RASSF3: variants seen among roughly 807,000 people sequenced by gnomAD.
RASSF3 encodes the protein ras association domain-containing protein 3.
RASSF3 carries 19 observed loss-of-function variants against 19.9 expected under a neutral mutation model. The observed-to-expected ratio is 0.96, with a 90% CI of 0.67 to 1.40. The LOEUF is 1.40. Among genes scored for constraint, RASSF3 ranks in the 40% most tolerant of loss-of-function variants. The probability of loss-of-function intolerance (pLI) is 0.00; values close to 1 mark genes in which losing one functional copy is unlikely to be tolerated. For missense variants in RASSF3, 306 were observed against 289.8 expected (o/e 1.06, Z -0.41); for synonymous variants, 110 against 104.2 (o/e 1.06, Z -0.34).
intron 1 of RASSF3, among the ~76,000 whole-genome samples, chr12:64,674,623 C>T (rs1311661494): frequency 2.0e-5 from 3 of 152,096 alleles, no homozygotes; most frequent in Non-Finnish European, 4.4e-5. Flanking sequence ...ATTTGGGAAG[C>T]AAAAGTATGC....
chr12:64,521,748 T>A (rs1375511477), intron 1 of RASSF3, among the ~76,000 whole-genome samples: 1 of 152,224 alleles, frequency 6.6e-6, no homozygotes, highest in Non-Finnish European at 1.5e-5. Flanking sequence ...CATTGTATTA[T>A]TACTCCCCAC....
intron 2 of RASSF3, among the ~76,000 whole-genome samples, chr12:64,567,702 C>T (rs1298715260): frequency 6.6e-6 from 1 of 152,258 alleles, no homozygotes; most frequent in Admixed American, 6.5e-5. Context: ...GGAACTGCAA[C>T]TGCTAACGTC....
intron 1 of RASSF3, among the ~76,000 whole-genome samples, chr12:64,680,842 T>C (rs1244870): frequency 0.79 from 120,094 of 151,980 alleles, 47,645 homozygotes; most frequent in South Asian, 0.84. Context: ...AAACTCCTGA[T>C]CTCAGGTGAT....
chr12:64,664,205 T>G (rs1872471825), intron 1 of RASSF3, among the ~76,000 whole-genome samples: 1 of 152,174 alleles, frequency 6.6e-6, no homozygotes, highest in South Asian at 2.1e-4. Context: ...TCTTTGCCTT[T>G]GGAGTGGTAC....
chr12:64,514,187 TC>T (rs1565829489), intron 1 of RASSF3, among the ~76,000 whole-genome samples: 20 of 126,442 alleles, frequency 1.6e-4, no homozygotes, highest in Non-Finnish European at 2.2e-4. Flanking sequence ...GCGCTCAGCC[TC>T]TTTTTTTTTT....
intron 1 of RASSF3, among the ~76,000 whole-genome samples, chr12:64,537,116 G>C (rs1868844276): frequency 1.3e-5 from 2 of 152,008 alleles, no homozygotes; most frequent in African/African-American, 2.4e-5. Flanking sequence ...CCACACTCTT[G>C]CCTATTTCTC....
At chr12:64,662,126 A>C (rs1872389129) in intron 1 of RASSF3, among the ~76,000 whole-genome samples, 1 of 151,978 alleles carries the variant, frequency 6.6e-6, no homozygotes, top group African/African-American at 2.4e-5. Flanking sequence ...GGAAGTAGGT[A>C]ATAAGATAAA....
At chr12:64,652,419 C>T (rs1429502599) in intron 1 of RASSF3, among the ~76,000 whole-genome samples, 1 of 151,068 alleles carries the variant, frequency 6.6e-6, no homozygotes, top group African/African-American at 2.4e-5. Flanking sequence ...TCCCCCTCCC[C>T]CCCTCCTCTT....
At chr12:64,537,291 G>C (rs572324913) in intron 1 of RASSF3, among the ~76,000 whole-genome samples, 25 of 152,256 alleles carry the variant, frequency 1.6e-4, no homozygotes, top group Middle Eastern at 3.4e-3. Context: ...ACTTAACGTG[G>C]TACATCATTT....
intron 1 of RASSF3, among the ~76,000 whole-genome samples, chr12:64,654,585 G>A (rs1440193482): frequency 1.4e-5 from 2 of 142,346 alleles, no homozygotes; most frequent in Admixed American, 7.6e-5. Flanking sequence ...TGGGTGGATC[G>A]CTTGAACCCA....
intron 2 of RASSF3, among the ~76,000 whole-genome samples, chr12:64,567,005 G>T (rs151286803): frequency 6.6e-6 from 1 of 152,226 alleles, no homozygotes; most frequent in Non-Finnish European, 1.5e-5. Flanking sequence ...AAACGCGGTG[G>T]TTCACTGAGG....
upstream of RASSF3, among the ~76,000 whole-genome samples, chr12:64,606,720 C>T (rs376745932): frequency 4.6e-5 from 7 of 151,774 alleles, no homozygotes; most frequent in South Asian, 2.1e-4. Context: ...GAGGCTGAGG[C>T]GGGAGGATCG....
At position 64,610,607 on chromosome 12, in the gene RASSF3, C is replaced by G. The variant is rs3741748; in HGVS notation, c.-26C>G. 3.4e-6 allele frequency: 5 copies of G among 1,449,692 alleles called. No homozygotes were observed. The highest frequency in any genetic ancestry group is 1.4e-5 in the South Asian group (1 of 73,252). The allele number at this position is 1,449,692 out of a possible 1,614,324, so 89.8% of individuals were successfully genotyped here. Reference sequence around the variant, plus strand: ...CTGGCCGCCTGCGCCCCGGGGAGGCCGCCCGCGCGCGACGGGACCGGCAGC... The same window carrying G: ...CTGGCCGCCTGCGCCCCGGGGAGGCGGCCCGCGCGCGACGGGACCGGCAGC... On this transcript the variant is annotated 5_prime_UTR_variant, in exon 1 of 5. Coordinates refer to ENST00000542104, the MANE Select transcript of RASSF3 (RefSeq NM_178169.4).
intron 1 of RASSF3, among the ~76,000 whole-genome samples, chr12:64,657,729 A>G (rs1872210698): frequency 6.6e-6 from 1 of 152,232 alleles, no homozygotes. Context: ...CTGTGCCCCC[A>G]AGGCACTTTT....
intron 2 of RASSF3, among the ~76,000 whole-genome samples, chr12:64,574,934 C>A (rs570139000): frequency 6.6e-6 from 1 of 152,264 alleles, no homozygotes; most frequent in East Asian, 1.9e-4. Flanking sequence ...AGGTTATCTA[C>A]AAAAATACCT....
chr12:64,581,024 A>T (rs1869686192), intron 2 of RASSF3, among the ~76,000 whole-genome samples: 1 of 151,988 alleles, frequency 6.6e-6, no homozygotes, highest in East Asian at 1.9e-4. Context: ...ATCTACTTAC[A>T]CATTTATACA....
intron 1 of RASSF3, 84 bp downstream of exon 1, chr12:64,610,827 C>T: frequency 1.4e-6 from 1 of 737,236 alleles, no homozygotes; most frequent in Non-Finnish European, 2.1e-6. Context: ...CTCCACGTGT[C>T]TCTGCGGGGC....
intron 1 of RASSF3, among the ~76,000 whole-genome samples, chr12:64,643,234 A>G (rs1022792941): frequency 6.6e-6 from 1 of 152,152 alleles, no homozygotes. Context: ...TGAGTATGAA[A>G]GAAGTTATTA....
At chr12:64,516,539 A>G (rs1179367536) in intron 1 of RASSF3, among the ~76,000 whole-genome samples, 4 of 150,158 alleles carry the variant, frequency 2.7e-5, no homozygotes, top group African/African-American at 7.4e-5. Flanking sequence ...GAATGGCGTG[A>G]ACCCGGGAGG....
Sources: allele counts gnomAD v4.1 joint callset (sites outside exome capture counted in the v4.1 genomes callset), GRCh38; gene constraint gnomAD v4.1.1; transcripts MANE v1.5; gene names NCBI Gene and HGNC (gene_info 2026-07-23, HGNC 2026-07-21).